ARHGAP22: variants seen among roughly 807,000 people sequenced by gnomAD.
ARHGAP22 encodes rho GTPase-activating protein 22.
Under a neutral mutation model 59.1 loss-of-function variants are expected in ARHGAP22, and 48 were observed. The ratio of observed to expected loss-of-function variants is 0.81; its 90% CI spans 0.64 to 1.03. The LOEUF (loss-of-function observed/expected upper bound fraction) is 1.03. Ranked by LOEUF, ARHGAP22 falls within the 50% of genes least tolerant of loss-of-function variation. ARHGAP22 has a pLI of 0.00. For synonymous variants in ARHGAP22, 445 were observed against 416.4 expected, an observed-to-expected ratio of 1.07 and a Z score of -0.84; for missense variants, 1,015 against 958.7, an observed-to-expected ratio of 1.06 and a Z score of -0.78.
intron 3 of ARHGAP22, among the ~76,000 whole-genome samples, chr10:48,496,609 C>T (rs1589753934): frequency 6.6e-6 from 1 of 152,022 alleles, no homozygotes; most frequent in Non-Finnish European, 1.5e-5. Context: ...GGGACCTGAC[C>T]TCCTTCTCTA....
chr10:48,578,197 C>T (rs2058876789), intron 2 of ARHGAP22, among the ~76,000 whole-genome samples: 1 of 152,106 alleles, frequency 6.6e-6, no homozygotes, highest in Admixed American at 6.6e-5. Flanking sequence ...TCTAGTCCTG[C>T]CAAGCCCCAA....
intron 3 of ARHGAP22, among the ~76,000 whole-genome samples, chr10:48,488,272 A>C (rs1396370127): frequency 6.6e-6 from 1 of 152,214 alleles, no homozygotes; most frequent in Non-Finnish European, 1.5e-5. Flanking sequence ...CTACTTTTTG[A>C]TCATATAGAA....
chr10:48,430,455 A>T, the ARHGAP22 span: 1 of 152,160 alleles, frequency 6.6e-6, no homozygotes, highest in Admixed American at 6.5e-5. Context: ...CATCAGAATC[A>T]CTTCTGATGA....
intron 3 of ARHGAP22, among the ~76,000 whole-genome samples, chr10:48,498,255 ACGG>A (rs2051150669): frequency 6.6e-6 from 1 of 152,104 alleles, no homozygotes; most frequent in South Asian, 2.1e-4. Context: ...TGCAGGGACC[ACGG>A]CAGCCACACT....
At chr10:48,509,483 C>T (rs2052528051) in intron 3 of ARHGAP22, among the ~76,000 whole-genome samples, 1 of 152,318 alleles carries the variant, frequency 6.6e-6, no homozygotes, top group Non-Finnish European at 1.5e-5. Flanking sequence ...CTACAAATAG[C>T]ACTAACTTGG....
intron 3 of ARHGAP22, among the ~76,000 whole-genome samples, chr10:48,520,178 C>T (rs774553405): frequency 2.0e-4 from 31 of 152,040 alleles, no homozygotes; most frequent in Non-Finnish European, 3.5e-4. Context: ...ATCTGCAGGC[C>T]GCAGACAGGC....
chr10:48,577,832 A>G (rs1172343708), intron 2 of ARHGAP22, among the ~76,000 whole-genome samples: 2 of 42,850 alleles, frequency 4.7e-5, no homozygotes, highest in African/African-American at 8.6e-5. Flanking sequence ...TTTTTTTTGG[A>G]GACAGAGTCT....
rs879179617 is a variant in ARHGAP22 at position 48,450,356 on chromosome 10, T to C, written c.1773A>G (p.Glu591=). ...EPSEPDSPTR[E]HARRSEALQG... ...GTAAGGCCTCGGAGCGGCGCGCGTG[T>C]TCCCGGGTGGGGCTGTCCGGCTCGC... Residue 591 remains glutamate, a synonymous_variant, in exon 9 of 10, where the codon GAA becomes GAG. Coordinates refer to ENST00000249601, the MANE Select transcript of ARHGAP22 (RefSeq NM_021226.4). 4.4e-6 allele frequency: 7 copies of C among 1,589,842 alleles called. No individual in the cohort carries two copies. The highest frequency in any genetic ancestry group is 6.0e-6 in the Non-Finnish European group (7 of 1,168,674).
chr10:48,450,413 C>G lies in ARHGAP22; in HGVS notation c.1716G>C (p.Glu572Asp), dbSNP rs771040063. ...CGCTGTTGCTGGCACCCGCGCCCGC[C>G]TCGTCCATGCTGTGGTCCAGGTCCA... ...KSLDLDHSMDEAGAGASNSEP... is the reference protein window; with the variant it reads ...KSLDLDHSMDDAGAGASNSEP... Residue 572 changes from glutamate (E) to aspartate (D), a missense_variant, in exon 9 of 10, where the codon GAG becomes GAC. Glu to Asp is a conservative substitution (Grantham distance 45). Coordinates refer to ENST00000249601, the MANE Select transcript of ARHGAP22 (RefSeq NM_021226.4). 6.4e-7 allele frequency: 1 copy of G among 1,569,668 alleles called. No homozygotes were observed. The highest frequency in any genetic ancestry group is 8.6e-7 in the Non-Finnish European group (1 of 1,158,532).
chr10:48,450,547 T>C lies in ARHGAP22; in HGVS notation c.1582A>G (p.Ser528Gly), dbSNP rs1186434834. Reference protein sequence around the residue: ...SESSVGGSLSSCTACRASDSS... With the variant: ...SESSVGGSLSGCTACRASDSS... The stretch of plus-strand genomic sequence containing the variant: ...TCGCTGGCGCGGCAGGCCGTGCAGC[T>C]GCTGAGTGAGCCCCCCACCGACGAC... The change falls in exon 9 of 10, where the codon AGC (serine) becomes GGC (glycine). Residue 528 changes from serine to glycine, a missense_variant. Physicochemically the swap from Ser to Gly is moderately conservative, Grantham distance 56. Coordinates refer to ENST00000249601, the MANE Select transcript of ARHGAP22 (RefSeq NM_021226.4). The C allele has an allele frequency of 6.6e-6, 10 of 1,522,516 alleles. No homozygotes were observed. The highest frequency in any genetic ancestry group is 7.9e-6 in the Non-Finnish European group (9 of 1,135,566). 94.3% of individuals were successfully genotyped at this position (1,522,516 alleles called of 1,614,324 possible).
Position 48,588,712 on chromosome 10 carries a change from C to T in ARHGAP22, c.35-5560G>A, listed in dbSNP as rs138895116. On this transcript the variant is annotated intron_variant, in intron 1 of 9. Transcript: ENST00000249601. ...TTTATTCCAAATCTATGGAGCTCCT[C>T]CAGGTACAGAGCCCAATTGACTTGA... Among the ~76,000 whole-genome samples the T allele has an allele frequency of 8.3e-3, 1,259 of 152,334 alleles. 16 individuals carry two copies. The highest frequency in any genetic ancestry group is 0.011 in the Non-Finnish European group (747 of 68,036).
At chr10:48,592,702 C>A (rs964092587) in intron 1 of ARHGAP22, among the ~76,000 whole-genome samples, 1 of 152,194 alleles carries the variant, frequency 6.6e-6, no homozygotes. Context: ...CTTGACCCTG[C>A]CAATGCTGCA....
Position 48,571,699 on chromosome 10 carries a change from G to A in ARHGAP22, c.234+11254C>T, listed in dbSNP as rs80131386. Among the ~76,000 whole-genome samples, 761 of 152,296 alleles carry A rather than the reference G, an allele frequency of 5.0e-3. 15 individuals are homozygous for A. The highest frequency in any genetic ancestry group is 0.035 in the Admixed American group (537 of 15,300). On this transcript the variant is annotated intron_variant, in intron 2 of 9. Transcript: ENST00000249601. ...GTGATCTGTTATTTGCCATGATACC[G>A]TGGCAGGGATCAGTGGATGTTTCTT...
intron 1 of ARHGAP22, among the ~76,000 whole-genome samples, chr10:48,633,525 A>G (rs1272945575): frequency 6.6e-6 from 1 of 152,176 alleles, no homozygotes; most frequent in Non-Finnish European, 1.5e-5. Context: ...TAGACATGTA[A>G]TCCTTATTAC....
intron 4 of ARHGAP22, among the ~76,000 whole-genome samples, chr10:48,468,750 T>C (rs1304017799): frequency 1.3e-5 from 2 of 152,150 alleles, no homozygotes; most frequent in African/African-American, 4.8e-5. Flanking sequence ...CCCCCTTACA[T>C]TTTGTGCCCC....
chr10:48,446,443 G>GA lies in ARHGAP22; in HGVS notation c.2044dup (p.Ser682PhefsTer39). 1.2e-6 allele frequency: 2 copies of GA among 1,614,038 alleles called. No homozygotes were observed. The highest frequency in any genetic ancestry group is 1.7e-6 in the Non-Finnish European group (2 of 1,179,984). On this transcript the variant is annotated frameshift_variant, in exon 10 of 10. Transcript: ENST00000249601. LOFTEE classifies it high-confidence loss of function. ...CCCAACAGTCAAGCTTCCTAGGGTC[G>GA]AAAAAAACTCCTCCATTTCCCTCTG...
chr10:48,651,233 C>T (rs969675950), intron 1 of ARHGAP22, among the ~76,000 whole-genome samples: 1 of 152,182 alleles, frequency 6.6e-6, no homozygotes, highest in African/African-American at 2.4e-5. Flanking sequence ...TCCATGACTG[C>T]ATTTCACCCA....
At chr10:48,642,269 C>T (rs1273512077) in intron 1 of ARHGAP22, among the ~76,000 whole-genome samples, 3 of 152,122 alleles carry the variant, frequency 2.0e-5, no homozygotes, top group African/African-American at 4.8e-5. Context: ...AAAAAGAGCC[C>T]GCATTGCCAA....
At chr10:48,435,658 G>A in the ARHGAP22 span, 1 of 152,190 alleles carries the variant, frequency 6.6e-6, no homozygotes, top group African/African-American at 2.4e-5. Context: ...TTTGGCAAAA[G>A]CCCCGTCATC....
Sources: allele counts gnomAD v4.1 joint callset (sites outside exome capture counted in the v4.1 genomes callset), GRCh38; gene constraint gnomAD v4.1.1; transcripts MANE v1.5; gene names NCBI Gene and HGNC (gene_info 2026-07-23, HGNC 2026-07-21).